The following ADCYAP1 variants were observed in gnomAD, a reference collection of about 807,000 sequenced individuals.
ADCYAP1 encodes adenylate cyclase activating polypeptide 1, also known as pituitary adenylate cyclase-activating polypeptide.
In ADCYAP1, 6 loss-of-function variants were observed where a neutral mutation model predicts 18.5. The ratio of observed to expected loss-of-function variants is 0.32; its 90% CI spans 0.18 to 0.64. The LOEUF (loss-of-function observed/expected upper bound fraction) is 0.64. Ranked by LOEUF, ADCYAP1 falls within the 30% of genes least tolerant of loss-of-function variation. The probability of loss-of-function intolerance (pLI) is 0.77; values close to 1 mark genes in which losing one functional copy is unlikely to be tolerated. For synonymous variants in ADCYAP1, 136 were observed against 113.9 expected (o/e 1.19, Z -1.24); for missense variants, 314 against 253.6 (o/e 1.24, Z -1.62).
At chr18:905,302 C>A in intron 1 of ADCYAP1, 84 bp from the exon 2 acceptor site, 1 of 1,549,332 alleles carries the variant, frequency 6.5e-7, no homozygotes, top group Non-Finnish European at 8.7e-7. Flanking sequence ...GTCCCTCCCC[C>A]GGCTTCCAGA....
At chr18:907,060 G>A (rs1909194266) in intron 2 of ADCYAP1, among the ~76,000 whole-genome samples, 1 of 152,222 alleles carries the variant, frequency 6.6e-6, no homozygotes, top group South Asian at 2.1e-4. Context: ...AAGTTTAGGG[G>A]CATTTATTAT....
Position 908,334 on chromosome 18 carries a change from C to T in ADCYAP1, c.312C>T (p.His104=). Residue 104 remains histidine, a synonymous_variant, in exon 4 of 5, where the codon CAC becomes CAT. Transcript: ENST00000450565. Reference sequence around the variant, plus strand: ...TGGACCAGCTGTCCGCCGGGAAGCACCTGCAGTCGCTCGTGGCCCGGGGCG... The same window carrying T: ...TGGACCAGCTGTCCGCCGGGAAGCATCTGCAGTCGCTCGTGGCCCGGGGCG... ...KVLDQLSAGK[H]LQSLVARGVG... is the part of the protein sequence containing the mutation. The T allele has an allele frequency of 1.2e-6, 2 of 1,613,346 alleles. No individual in the cohort carries two copies. The highest frequency in any genetic ancestry group is 1.7e-6 in the Non-Finnish European group (2 of 1,179,734).
chr18:905,327 G>C, intron 1 of ADCYAP1, 59 bp from the exon 2 acceptor site: 3 of 1,585,990 alleles, frequency 1.9e-6, no homozygotes, highest in African/African-American at 1.3e-5. Context: ...TTTGGGGTTG[G>C]AGGGTGGGAG....
rs895548827 is a variant in ADCYAP1 at position 911,317 on chromosome 18, C to G, written c.*1682C>G. The G allele has an allele frequency of 4.0e-5, 6 of 150,600 alleles. No individual in the cohort carries two copies. Among genetic ancestry groups the G allele is most frequent in the Middle Eastern group, 3.5e-3 (1 of 284 alleles). 9.3% of individuals were successfully genotyped at this position (150,600 alleles called of 1,614,324 possible). ...AAGAACCTTCACCCAGCAATCAGAT[C>G]GAGCAGCAACAGACAAACCAGCCAG... On this transcript the variant is annotated 3_prime_UTR_variant, in exon 5 of 5. Coordinates refer to ENST00000450565, the MANE Select transcript of ADCYAP1 (RefSeq NM_001099733.2).
chr18:907,368 C>T lies in ADCYAP1; in HGVS notation c.111-291C>T, dbSNP rs954158920. Among the ~76,000 whole-genome samples the T allele has an allele frequency of 1.5e-4, 22 of 150,346 alleles. No homozygotes were observed. In the Middle Eastern group the frequency reaches 0.01, roughly 71 times the overall value. On this transcript the variant is annotated intron_variant, in intron 2 of 4. Transcript: ENST00000450565. The stretch of plus-strand genomic sequence containing the variant: ...GTCCTTTTCCGTAGACAGGTGTGCG[C>T]GATCGGCGGAGACGCCTCGGTTTCC...
intron 4 of ADCYAP1, among the ~76,000 whole-genome samples, chr18:909,183 C>T (rs2143124537): frequency 6.6e-6 from 1 of 152,336 alleles, no homozygotes; most frequent in South Asian, 2.1e-4. Context: ...TTGAAGCGCG[C>T]GTCGCCTGCC....
chr18:908,316 G>C lies in ADCYAP1; in HGVS notation c.294G>C (p.Gln98His), dbSNP rs902479672. 6 of 1,613,308 alleles carry C rather than the reference G, an allele frequency of 3.7e-6. No individual in the cohort carries two copies. The highest frequency in any genetic ancestry group is 1.3e-5 in the African/African-American group (1 of 74,920). The part of the protein sequence containing the change: ...LNEAYRKVLD[Q>H]LSAGKHLQSL... ...AGGCCTACCGCAAAGTGCTGGACCA[G>C]CTGTCCGCCGGGAAGCACCTGCAGT... The change falls in exon 4 of 5, where the codon CAG (glutamine) becomes CAC (histidine). Residue 98 changes from glutamine to histidine, a missense_variant. Gln to His is a conservative substitution (Grantham distance 24, BLOSUM62 0). Coordinates refer to ENST00000450565, the MANE Select transcript of ADCYAP1 (RefSeq NM_001099733.2).
rs982259632 is a variant in ADCYAP1 at position 904,875 on chromosome 18, C to G, written c.-187C>G. On this transcript the variant is annotated 5_prime_UTR_variant, in exon 1 of 5. Transcript: ENST00000450565. ...CGCGTCTACAAACTTTTGAGCAGAA[C>G]ACGAGCCTCGGCAAACGAGTCCCGC... The G allele has an allele frequency of 6.1e-5, 79 of 1,287,550 alleles. No homozygotes were observed. The highest frequency in any genetic ancestry group is 7.4e-5 in the Non-Finnish European group (73 of 987,336). The allele number at this position is 1,287,550 out of a possible 1,614,324, so 79.8% of individuals were successfully genotyped here.
chr18:905,863 C>T lies in ADCYAP1; in HGVS notation c.110+367C>T, dbSNP rs1909151226. 5 of 274,764 alleles carry T rather than the reference C, an allele frequency of 1.8e-5. No individual in the cohort carries two copies. In the East Asian group the frequency reaches 4.1e-4, roughly 22 times the overall value. The allele number at this position is 274,764 out of a possible 1,614,324, so 17.0% of individuals were successfully genotyped here. On this transcript the variant is annotated intron_variant, in intron 2 of 4. Transcript: ENST00000450565. ...GGGACGAGTTAGGAGAACTTCAGCT[C>T]TGGAGCCTGGCCGGGGGTTGAGCGT...
At chr18:905,174 G>A (rs1310285354) in intron 1 of ADCYAP1, 114 bp downstream of exon 1, 19 of 1,410,740 alleles carry the variant, frequency 1.3e-5, no homozygotes, top group South Asian at 6.0e-5. Context: ...CTAGTTATTG[G>A]GCGCCGGGTA....
rs898897021 is a variant in ADCYAP1 at position 911,855 on chromosome 18, G to A, written c.*2220G>A. ...GTATCAGCTGTTAGTGGTGAAATAG[G>A]GCTCTAGTTAACCTTTTATTTATGA... On this transcript the variant is annotated 3_prime_UTR_variant, in exon 5 of 5. Transcript: ENST00000450565. 1.3e-5 allele frequency: 2 copies of A among 152,108 alleles called. No individual in the cohort carries two copies. Among genetic ancestry groups the A allele is most frequent in the Non-Finnish European group, 2.9e-5 (2 of 68,028 alleles). 9.4% of individuals were successfully genotyped at this position (152,108 alleles called of 1,614,324 possible).
rs139318048 is a variant in ADCYAP1, at chr18:910,341, A to C, written c.*706A>C. 6.6e-6 allele frequency: 1 copy of C among 152,372 alleles called. No homozygotes were observed. Among genetic ancestry groups the C allele is most frequent in the East Asian group, 1.9e-4 (1 of 5,184 alleles). 9.4% of individuals were successfully genotyped at this position (152,372 alleles called of 1,614,324 possible). On this transcript the variant is annotated 3_prime_UTR_variant, in exon 5 of 5. Transcript: ENST00000450565. ...CTCAGCCCAGAAGAAAATTCTCCTG[A>C]TAAAACAACAGCTCGATCCAAATTG...
chr18:908,206 T>A, intron 3 of ADCYAP1, 59 bp from the exon 4 acceptor site: 1 of 1,497,580 alleles, frequency 6.7e-7, no homozygotes. Context: ...AGGGGGTCTC[T>A]AGCGGCCACC....
Position 908,296 on chromosome 18 carries a change from T to A in ADCYAP1, c.274T>A (p.Tyr92Asn), listed in dbSNP as rs367884952. ...CGCCCACGGGATCCTTAACGAGGCC[T>A]ACCGCAAAGTGCTGGACCAGCTGTC... ...DVAHGILNEA[Y>N]RKVLDQLSAG... Residue 92 changes from tyrosine to asparagine, a missense_variant, in exon 4 of 5, where the codon TAC (tyrosine) becomes AAC (asparagine). By Grantham distance (143) the Tyr-to-Asn change is moderately radical. Transcript: ENST00000450565. The A allele has an allele frequency of 3.1e-6, 5 of 1,612,944 alleles. No homozygotes were observed. The African/African-American group carries it at 5.3e-5, about 17-fold the overall frequency.
In ADCYAP1 at chr18:907,785, G is replaced by A; in HGVS notation, c.237G>A (p.Gly79=). Residue 79 remains glycine (G), a synonymous_variant, in exon 3 of 5, where the codon GGG becomes GGA. Coordinates refer to ENST00000450565, the MANE Select transcript of ADCYAP1 (RefSeq NM_001099733.2). ...RAAAAWYRPA[G]RRDVAHGILN... ...CCGCCGCCTGGTACCGCCCGGCCGG[G>A]AGAAGGTGAGATTCGCGCGGCCTCG... is the stretch of plus-strand genomic sequence containing the variant. 1 of 1,439,204 alleles carries A rather than the reference G, an allele frequency of 6.9e-7. No homozygotes were observed. The highest frequency in any genetic ancestry group is 9.0e-7 in the Non-Finnish European group (1 of 1,110,574). The allele number at this position is 1,439,204 out of a possible 1,614,324, so 89.2% of individuals were successfully genotyped here.
intron 4 of ADCYAP1, among the ~76,000 whole-genome samples, chr18:908,693 C>T (rs963829405): frequency 6.6e-6 from 1 of 152,136 alleles, no homozygotes; most frequent in African/African-American, 2.4e-5. Flanking sequence ...CTAAGCATGA[C>T]TGTTTCTGGG....
intron 1 of ADCYAP1, 142 bp from the exon 2 acceptor site, chr18:905,244 C>A: frequency 6.8e-7 from 1 of 1,476,400 alleles, no homozygotes; most frequent in Non-Finnish European, 8.9e-7. Flanking sequence ...GGGCGCGCAC[C>A]GGCTGTCGCC....
chr18:905,640 T>A, intron 2 of ADCYAP1, 144 bp downstream of exon 2: 1 of 1,003,984 alleles, frequency 1.0e-6, no homozygotes, highest in Non-Finnish European at 1.4e-6. Context: ...CAGCCTCGGC[T>A]GGACAGCGGG....
At chr18:909,313 C>G (rs2143125320) in intron 4 of ADCYAP1, 133 bp from the exon 5 acceptor site, 1 of 825,630 alleles carries the variant, frequency 1.2e-6, no homozygotes, top group Non-Finnish European at 1.8e-6. Context: ...CAGAGGCGGG[C>G]GACGCGGTGG....
Sources: allele counts gnomAD v4.1 joint callset (sites outside exome capture counted in the v4.1 genomes callset), GRCh38; gene constraint gnomAD v4.1.1; transcripts MANE v1.5; gene names NCBI Gene and HGNC (gene_info 2026-07-23, HGNC 2026-07-21).